Variants in UBASH3B observed in about 807,000 individuals in gnomAD.
UBASH3B encodes ubiquitin-associated and SH3 domain-containing protein B.
A neutral mutation model predicts 83.4 loss-of-function variants in UBASH3B; 37 were observed. The ratio of observed to expected loss-of-function variants is 0.44; its 90% CI spans 0.34 to 0.58. The LOEUF (loss-of-function observed/expected upper bound fraction) is 0.58, where lower values mean the gene tolerates loss of function less well. Ranked by LOEUF, UBASH3B falls within the 20% of genes least tolerant of loss-of-function variation. The pLI is 0.01. For missense variants in UBASH3B, 657 were observed against 827.2 expected (o/e 0.79, Z 2.52); for synonymous variants, 304 against 318.3 (o/e 0.96, Z 0.48).
chr11:122,694,954 C>CTTTTTTTTTTTTTTT lies in UBASH3B; in HGVS notation c.161+38757_161+38771dup, dbSNP rs71054088. 3.1e-3 allele frequency among the ~76,000 whole-genome samples: 155 copies of CTTTTTTTTTTTTTTT among 50,424 alleles called. 17 individuals are homozygous for CTTTTTTTTTTTTTTT. The highest frequency in any genetic ancestry group is 4.7e-3 in the East Asian group (5 of 1,054). 33.1% of individuals were successfully genotyped at this position (50,424 alleles called of 152,430 possible). A position where few individuals can be genotyped will look rare whatever the true frequency, so the allele number is the denominator to read the frequency against. ...TATTTATTTTTCTTTTCTTTTCTTT[C>CTTTTTTTTTTTTTTT]TTTTTTTTTTTTTTTTTTTTTTTTT... On this transcript the variant is annotated intron_variant, in intron 1 of 13. Coordinates refer to ENST00000284273, the MANE Select transcript of UBASH3B (RefSeq NM_032873.5).
At chr11:122,809,011 T>G (rs1210530426) in intron 13 of UBASH3B, among the ~76,000 whole-genome samples, 1 of 151,788 alleles carries the variant, frequency 6.6e-6, no homozygotes, top group East Asian at 1.9e-4. Flanking sequence ...TTTTTCAAAT[T>G]GAAAAATATT....
intron 1 of UBASH3B, among the ~76,000 whole-genome samples, chr11:122,712,896 G>GTTTTTTTTTTTTTTTTTTTT (rs386375116): frequency 1.6e-5 from 1 of 64,496 alleles, no homozygotes; most frequent in Non-Finnish European, 2.6e-5. Context: ...TCTCTGGGTG[G>GTTTTTTTTTTTTTTTTTTTT]TTTTTTTTTT....
rs555456906 is a variant in UBASH3B at position 122,813,396 on chromosome 11, G to C, written c.*3510G>C. ...TGTGGTAAAAGAAAGGCATTCCTCC[G>C]TAACCTAGGCACTCTGCAAGTCCAG... On this transcript the variant is annotated 3_prime_UTR_variant, in exon 14 of 14. Transcript: ENST00000284273. 1 of 152,176 alleles carries C rather than the reference G, an allele frequency of 6.6e-6. No homozygotes were observed. The highest frequency in any genetic ancestry group is 1.5e-5 in the Non-Finnish European group (1 of 68,024). 9.4% of individuals were successfully genotyped at this position (152,176 alleles called of 1,614,324 possible).
At chr11:122,711,518 C>T (rs563780739) in intron 1 of UBASH3B, among the ~76,000 whole-genome samples, 17 of 152,332 alleles carry the variant, frequency 1.1e-4, no homozygotes, top group African/African-American at 3.8e-4. Flanking sequence ...CGAGGAAGGC[C>T]GGGCACTGGC....
chr11:122,667,688 C>T (rs1179230852), intron 1 of UBASH3B, among the ~76,000 whole-genome samples: 1 of 152,164 alleles, frequency 6.6e-6, no homozygotes, highest in Non-Finnish European at 1.5e-5. Context: ...GGCCAGTAGA[C>T]AGTTCAAATA....
At chr11:122,708,590 G>A (rs1293309399) in intron 1 of UBASH3B, among the ~76,000 whole-genome samples, 1 of 152,100 alleles carries the variant, frequency 6.6e-6, no homozygotes, top group Non-Finnish European at 1.5e-5. Context: ...CACTGTGCCC[G>A]GCCTTCTTGT....
intron 9 of UBASH3B, among the ~76,000 whole-genome samples, chr11:122,798,178 T>G (rs1375193359): frequency 6.6e-6 from 1 of 152,020 alleles, no homozygotes; most frequent in East Asian, 1.9e-4. Flanking sequence ...AATAATAAAT[T>G]TTTTAAAGAA....
At chr11:122,761,481 C>A (rs1040427239) in intron 1 of UBASH3B, among the ~76,000 whole-genome samples, 1 of 152,014 alleles carries the variant, frequency 6.6e-6, no homozygotes, top group African/African-American at 2.4e-5. Context: ...AAAAATAAAA[C>A]ATAAATAAGT....
At chr11:122,675,640 G>T (rs1863657570) in intron 1 of UBASH3B, among the ~76,000 whole-genome samples, 1 of 152,188 alleles carries the variant, frequency 6.6e-6, no homozygotes, top group African/African-American at 2.4e-5. Context: ...GTTCTTCAAA[G>T]CTGCAAGGAG....
intron 1 of UBASH3B, among the ~76,000 whole-genome samples, chr11:122,724,945 T>TTTTA (rs1409466632): frequency 2.0e-4 from 30 of 151,994 alleles, no homozygotes; most frequent in South Asian, 8.3e-4. Context: ...TTGTATGTTA[T>TTTTA]TTTATTTATT....
chr11:122,769,313 A>G (rs932364159), intron 1 of UBASH3B, among the ~76,000 whole-genome samples: 1 of 152,224 alleles, frequency 6.6e-6, no homozygotes. Flanking sequence ...GCTCCAAGCC[A>G]TTCATGAGCA....
chr11:122,703,060 C>T (rs12798051), intron 1 of UBASH3B, among the ~76,000 whole-genome samples: 13,744 of 152,138 alleles, frequency 0.09, 733 homozygotes, highest in East Asian at 0.17. Flanking sequence ...TTCCCCCAAG[C>T]CTCGCCCACA....
intron 1 of UBASH3B, among the ~76,000 whole-genome samples, chr11:122,773,582 G>A (rs1167802319): frequency 6.6e-6 from 1 of 152,174 alleles, no homozygotes; most frequent in Non-Finnish European, 1.5e-5. Flanking sequence ...TCTTGGCCAA[G>A]CCTCCCCGGA....
chr11:122,793,509 G>A (rs573657694), intron 6 of UBASH3B, among the ~76,000 whole-genome samples: 15 of 152,324 alleles, frequency 9.8e-5, no homozygotes, highest in Non-Finnish European at 2.2e-4. Flanking sequence ...TGGGATGGAT[G>A]GCTACCCAAA....
At chr11:122,656,292 G>A in intron 1 of UBASH3B, 82 bp downstream of exon 1, 1 of 1,256,268 alleles carries the variant, frequency 8.0e-7, no homozygotes, top group Non-Finnish European at 1.0e-6. Flanking sequence ...TCGCCTCCCA[G>A]CGCCTGCGGG....
At chr11:122,717,132 C>G (rs138064647) in intron 1 of UBASH3B, among the ~76,000 whole-genome samples, 11 of 152,270 alleles carry the variant, frequency 7.2e-5, no homozygotes, top group African/African-American at 2.6e-4. Flanking sequence ...GACAGAGATC[C>G]CTGTCCTCTC....
At chr11:122,719,088 C>T (rs7941638) in intron 1 of UBASH3B, among the ~76,000 whole-genome samples, 44,055 of 152,094 alleles carry the variant, frequency 0.29, 7,353 homozygotes, top group Non-Finnish European at 0.39. Flanking sequence ...AGCTGCTGTT[C>T]GAACAATCTA....
chr11:122,715,333 G>A (rs1434533100), intron 1 of UBASH3B, among the ~76,000 whole-genome samples: 1 of 152,138 alleles, frequency 6.6e-6, no homozygotes, highest in Non-Finnish European at 1.5e-5. Flanking sequence ...GTTGAGGTGG[G>A]ACTTCATGGT....
At chr11:122,738,886 T>G (rs1860978853) in intron 1 of UBASH3B, among the ~76,000 whole-genome samples, 1 of 33,648 alleles carries the variant, frequency 3.0e-5, no homozygotes, top group African/African-American at 6.8e-5. Flanking sequence ...AAACTCTGTC[T>G]CAAAAAAAAA....
Sources: allele counts gnomAD v4.1 joint callset (sites outside exome capture counted in the v4.1 genomes callset), GRCh38; gene constraint gnomAD v4.1.1; transcripts MANE v1.5; gene names NCBI Gene and HGNC (gene_info 2026-07-23, HGNC 2026-07-21).